JMJD1C: variants seen among roughly 807,000 people sequenced by gnomAD.
JMJD1C encodes jumonji domain containing 1C, also known as jumonji domain-containing protein 1C.
A neutral mutation model predicts 245.3 loss-of-function variants in JMJD1C; 31 were observed. The ratio of observed to expected loss-of-function variants is 0.13; its 90% confidence interval spans 0.09 to 0.17. JMJD1C has a LOEUF of 0.17. Among genes scored for constraint, JMJD1C ranks in the 10% least tolerant of loss-of-function variants. JMJD1C has a pLI of 1.00. For synonymous variants in JMJD1C, 1,057 were observed against 1,017.4 expected (o/e 1.04, Z -0.74); for missense variants, 2,691 against 3,000.2 (o/e 0.90, Z 2.41).
chr10:63,414,289 C>T (rs1248054929), intron 1 of JMJD1C, among the ~76,000 whole-genome samples: 1 of 152,150 alleles, frequency 6.6e-6, no homozygotes, highest in African/African-American at 2.4e-5. Context: ...CCAGCCAATA[C>T]TGTGTATTTT....
At chr10:63,518,096 T>C (rs1207818230) in intron 1 of JMJD1C, among the ~76,000 whole-genome samples, 1 of 152,194 alleles carries the variant, frequency 6.6e-6, no homozygotes, top group Non-Finnish European at 1.5e-5. Flanking sequence ...CCCAGCATAA[T>C]GGCCACTTAT....
intron 2 of JMJD1C, among the ~76,000 whole-genome samples, chr10:63,320,642 G>A (rs531429808): frequency 2.0e-5 from 3 of 152,204 alleles, no homozygotes; most frequent in East Asian, 3.9e-4. Context: ...ACTCTTCTTC[G>A]ACTATTGTGA....
At chr10:63,335,549 A>G (rs149435328) in intron 2 of JMJD1C, among the ~76,000 whole-genome samples, 2 of 152,076 alleles carry the variant, frequency 1.3e-5, no homozygotes, top group African/African-American at 4.8e-5. Flanking sequence ...TCTTACTCTG[A>G]CGCCCAGGCT....
intron 1 of JMJD1C, among the ~76,000 whole-genome samples, chr10:63,494,521 A>T (rs1196199848): frequency 6.6e-6 from 1 of 152,064 alleles, no homozygotes; most frequent in Non-Finnish European, 1.5e-5. Context: ...ATAAGTAAAA[A>T]AAATATTTTT....
chr10:63,443,762 T>C (rs958509339), intron 1 of JMJD1C, among the ~76,000 whole-genome samples: 1 of 152,186 alleles, frequency 6.6e-6, no homozygotes, highest in African/African-American at 2.4e-5. Flanking sequence ...AAGCTTCTAT[T>C]CAAGGTCTGG....
intron 2 of JMJD1C, among the ~76,000 whole-genome samples, chr10:63,310,357 C>T (rs1338181619): frequency 6.6e-6 from 1 of 152,140 alleles, no homozygotes; most frequent in Non-Finnish European, 1.5e-5. Flanking sequence ...AATGGGAACG[C>T]TTGCCTTGCC....
At chr10:63,193,532 T>A in intron 14 of JMJD1C, 60 bp from the exon 15 acceptor site, 2 of 1,265,592 alleles carry the variant, frequency 1.6e-6, no homozygotes, top group Non-Finnish European at 2.2e-6. Context: ...GCTGTAAAAT[T>A]TTTTTCTTAC....
At chr10:63,466,654 C>T (rs537738853), upstream of JMJD1C, 2 of 152,302 alleles carry the variant, frequency 1.3e-5, no homozygotes, top group Non-Finnish European at 2.9e-5. Flanking sequence ...CTGCGACAGT[C>T]TTAGTACTTT....
Position 63,491,678 on chromosome 10 carries a change from G to A in JMJD1C, n.113+30060C>T, listed in dbSNP as rs1954182921. ...AGTATGAAATTTTAATTATGCCTTGGTATTGCTCAATTTCATACTGTTATG... is the reference window on the plus strand; with the variant it reads ...AGTATGAAATTTTAATTATGCCTTGATATTGCTCAATTTCATACTGTTATG... On this transcript the variant is annotated intron_variant and non_coding_transcript_variant, in intron 1 of 3. Transcript: ENST00000633035. Among the ~76,000 whole-genome samples, 3 of 152,154 alleles carry A rather than the reference G, an allele frequency of 2.0e-5. No homozygotes were observed. The South Asian group carries it at 6.2e-4, about 32-fold the overall frequency.
At chr10:63,499,958 ACT>A (rs765088572) in intron 1 of JMJD1C, among the ~76,000 whole-genome samples, 3 of 152,100 alleles carry the variant, frequency 2.0e-5, no homozygotes, top group Non-Finnish European at 2.9e-5. Flanking sequence ...GCCTCAAAAA[ACT>A]CTACTAACAC....
At chr10:63,218,528 T>C (rs915721827) in intron 4 of JMJD1C, among the ~76,000 whole-genome samples, 5 of 152,110 alleles carry the variant, frequency 3.3e-5, no homozygotes, top group Non-Finnish European at 5.9e-5. Flanking sequence ...ATATAGGACA[T>C]GCTTATAGAG....
intron 2 of JMJD1C, chr10:63,269,278 A>T: frequency 3.4e-6 from 3 of 873,730 alleles, no homozygotes; most frequent in Non-Finnish European, 4.1e-6. Context: ...TGTAAACTGT[A>T]ACTAATCCCC....
rs532414490 is a variant in JMJD1C, at chr10:63,205,996, C to T, written c.5074+599G>A. Among the ~76,000 whole-genome samples, 3 of 152,228 alleles carry T rather than the reference C, an allele frequency of 2.0e-5. No homozygotes were observed. In the South Asian group the frequency reaches 6.2e-4, roughly 32 times the overall value. On this transcript the variant is annotated intron_variant, in intron 10 of 25. Coordinates refer to ENST00000399262, the MANE Select transcript of JMJD1C (RefSeq NM_032776.3). ...GAGCCACTGTGCCCAGCTGTGCATTCTGTCACTGACTGAAAAGTTGTTATG... is the reference window on the plus strand; with the variant it reads ...GAGCCACTGTGCCCAGCTGTGCATTTTGTCACTGACTGAAAAGTTGTTATG...
intron 1 of JMJD1C, among the ~76,000 whole-genome samples, chr10:63,504,316 G>A (rs908785602): frequency 6.6e-6 from 1 of 152,186 alleles, no homozygotes; most frequent in African/African-American, 2.4e-5. Context: ...GCAGCCAGTG[G>A]TTAAGTACAA....
At chr10:63,296,326 A>G (rs1187706584) in intron 2 of JMJD1C, among the ~76,000 whole-genome samples, 1 of 152,052 alleles carries the variant, frequency 6.6e-6, no homozygotes, top group East Asian at 1.9e-4. Context: ...TTGATTCATT[A>G]ATATTGAGAT....
At chr10:63,467,995 C>A (rs1052187106), upstream of JMJD1C, among the ~76,000 whole-genome samples, 15 of 152,176 alleles carry the variant, frequency 9.9e-5, no homozygotes, top group Non-Finnish European at 2.2e-4. Flanking sequence ...TTGCTAGTTG[C>A]CTTATATAAA....
chr10:63,321,985 A>C (rs1454923591), intron 2 of JMJD1C, among the ~76,000 whole-genome samples: 2 of 152,206 alleles, frequency 1.3e-5, no homozygotes, highest in East Asian at 3.8e-4. Context: ...TGGGTGAGGA[A>C]GCCAAAAGTC....
intron 1 of JMJD1C, among the ~76,000 whole-genome samples, chr10:63,507,972 G>A (rs189241352): frequency 6.9e-4 from 105 of 152,002 alleles, no homozygotes; most frequent in Non-Finnish European, 1.2e-3. Context: ...TTAAGTAGTC[G>A]TCGTTTATCA....
At position 63,215,230 on chromosome 10, in the gene JMJD1C, T is replaced by A. The variant is rs748702501; in HGVS notation, c.1015+33A>T. Reference sequence around the variant, plus strand: ...TAAAATGTATTTTTGTTTTATTTGTTTTCATTCCCTTAAAAAAAAAAGTGG... The same window carrying A: ...TAAAATGTATTTTTGTTTTATTTGTATTCATTCCCTTAAAAAAAAAAGTGG... On this transcript the variant is annotated intron_variant, in intron 7 of 25. Coordinates refer to ENST00000399262, the MANE Select transcript of JMJD1C (RefSeq NM_032776.3). 2.5e-6 allele frequency: 4 copies of A among 1,569,762 alleles called. No individual in the cohort carries two copies. In the Admixed American group the frequency reaches 7.4e-5, roughly 29 times the overall value.
Sources: gnomAD v4.1 joint callset for allele counts (sites outside exome capture counted in the v4.1 genomes callset) on GRCh38, gnomAD v4.1.1 for gene constraint, MANE v1.5 for transcripts, NCBI Gene and HGNC (gene_info 2026-07-23, HGNC 2026-07-21) for gene names.